Variants in ROBO1 observed in about 807,000 individuals in gnomAD.
The protein encoded by ROBO1 is roundabout guidance receptor 1.
In ROBO1, 149 loss-of-function variants were observed where a neutral mutation model predicts 195.9. The ratio of observed to expected loss-of-function variants is 0.76; its 90% CI spans 0.67 to 0.87. The LOEUF (loss-of-function observed/expected upper bound fraction) is 0.87, where lower values mean the gene tolerates loss of function less well. ROBO1 is among the 40% of genes least tolerant of loss of function. ROBO1 has a pLI of 0.00. For synonymous variants in ROBO1, 816 were observed against 733.2 expected (o/e 1.11, Z -1.82); for missense variants, 1,933 against 2,068.3 (o/e 0.93, Z 1.27).
intron 4 of ROBO1, among the ~76,000 whole-genome samples, chr3:78,774,351 C>T (rs1019558293): frequency 6.6e-6 from 1 of 151,728 alleles, no homozygotes; most frequent in Non-Finnish European, 1.5e-5. Flanking sequence ...CGCTCTATCG[C>T]CCAGGCTTGA....
chr3:78,673,405 C>G (rs944524590), intron 10 of ROBO1, among the ~76,000 whole-genome samples: 1 of 145,900 alleles, frequency 6.9e-6, no homozygotes, highest in Admixed American at 7.0e-5. Flanking sequence ...TATATTACAG[C>G]AGGGTTACAC....
At position 78,651,937 on chromosome 3, in the gene ROBO1, G is replaced by A. The variant is rs1706687670; in HGVS notation, c.2615-8C>T. The A allele has an allele frequency of 6.2e-7, 1 of 1,609,352 alleles. No individual in the cohort carries two copies. Among genetic ancestry groups the A allele is most frequent in the Non-Finnish European group, 8.5e-7 (1 of 1,177,466 alleles). On this transcript the variant is annotated splice_polypyrimidine_tract_variant and splice_region_variant and intron_variant, in intron 18 of 30. Transcript: ENST00000464233. ...CAGGGTTTCCATGGGCATCTGAAAAGTCATCTTCCGATTAATTTGGGTTGA... is the reference window on the plus strand; with the variant it reads ...CAGGGTTTCCATGGGCATCTGAAAAATCATCTTCCGATTAATTTGGGTTGA...
intron 1 of ROBO1, among the ~76,000 whole-genome samples, chr3:79,685,472 T>C (rs1947075607): frequency 1.3e-5 from 2 of 152,216 alleles, no homozygotes; most frequent in South Asian, 2.1e-4. Flanking sequence ...TTTGTTCCAA[T>C]GGCTATCACT....
chr3:79,010,846 T>C (rs115234794), intron 3 of ROBO1, among the ~76,000 whole-genome samples: 105 of 152,316 alleles, frequency 6.9e-4, no homozygotes, highest in African/African-American at 2.4e-3. Context: ...CCTATTTGCA[T>C]AGATATCTGA....
At chr3:78,748,744 C>T (rs1036454718) in intron 4 of ROBO1, among the ~76,000 whole-genome samples, 1 of 151,946 alleles carries the variant, frequency 6.6e-6, no homozygotes, top group Non-Finnish European at 1.5e-5. Context: ...GAAAAAAATC[C>T]CCATTTTCTA....
intron 4 of ROBO1, among the ~76,000 whole-genome samples, chr3:78,916,525 C>G (rs1239092038): frequency 4.2e-5 from 6 of 144,110 alleles, no homozygotes; most frequent in African/African-American, 1.6e-4. Context: ...GCACTCCAGC[C>G]TGGACAACAG....
intron 2 of ROBO1, among the ~76,000 whole-genome samples, chr3:79,356,699 A>G (rs189518467): frequency 9.8e-5 from 15 of 152,292 alleles, no homozygotes; most frequent in South Asian, 6.2e-4. Context: ...AGATACCAGT[A>G]TCTGAATTTG....
intron 2 of ROBO1, among the ~76,000 whole-genome samples, chr3:79,353,405 AC>A (rs2035421560): frequency 1.4e-5 from 2 of 147,446 alleles, no homozygotes; most frequent in Admixed American, 6.8e-5. Context: ...AAACAAACAC[AC>A]ACACACACAC....
At chr3:79,418,050 A>G (rs1341085737) in intron 2 of ROBO1, among the ~76,000 whole-genome samples, 2 of 152,132 alleles carry the variant, frequency 1.3e-5, no homozygotes, top group African/African-American at 4.8e-5. Context: ...GTAGAACCTC[A>G]AGCAATATAC....
In ROBO1 at chr3:79,658,022, G is replaced by A. The variant is rs77034243; in HGVS notation, c.-50-68061C>T. ...AGGAAAAAGATATATGGTAATGACA[G>A]TATAGACAAGCAATTGCAGGTAAGA... On this transcript the variant is annotated intron_variant, in intron 1 of 30. Coordinates refer to ENST00000464233, the MANE Select transcript of ROBO1 (RefSeq NM_002941.4). Among the ~76,000 whole-genome samples, 6 of 152,148 alleles carry A rather than the reference G, an allele frequency of 3.9e-5. No homozygotes were observed. The East Asian group carries it at 1.2e-3, about 30-fold the overall frequency.
At position 78,631,190 on chromosome 3, in the gene ROBO1, G is replaced by T. The variant is rs373039151; in HGVS notation, c.3597C>A (p.Ser1199Arg). 6.2e-7 allele frequency: 1 copy of T among 1,612,254 alleles called. No individual in the cohort carries two copies. Among genetic ancestry groups the T allele is most frequent in the African/African-American group, 1.3e-5 (1 of 74,848 alleles). The part of the protein sequence containing the change: ...PPAHPPPHSN[S>R]EEYNISVDES... ...CATCTACAGAAATGTTGTACTCTTCGCTATTGCTGTGTGGAGGAGGATGTG... is the reference window on the plus strand; with the variant it reads ...CATCTACAGAAATGTTGTACTCTTCTCTATTGCTGTGTGGAGGAGGATGTG... Residue 1199 changes from serine to arginine, a missense_variant, in exon 25 of 31, where the codon AGC becomes AGA. Ser to Arg is a moderately radical substitution (Grantham distance 110). This residue lies in a region of ROBO1 where 1,737 missense variants were observed against 1,882.5 expected (regional missense o/e 0.92). Transcript: ENST00000464233.
intron 1 of ROBO1, among the ~76,000 whole-genome samples, chr3:79,730,269 T>C (rs7429869): frequency 0.29 from 43,518 of 152,008 alleles, 7,790 homozygotes; most frequent in East Asian, 0.57. Flanking sequence ...GGAGGGGAGA[T>C]ATGATTTCCT....
At chr3:78,945,856 G>C (rs576641724) in intron 3 of ROBO1, among the ~76,000 whole-genome samples, 6 of 152,120 alleles carry the variant, frequency 3.9e-5, no homozygotes, top group South Asian at 2.1e-4. Flanking sequence ...CAAGGCACGA[G>C]AGCTACGTGA....
chr3:78,971,335 G>A (rs1216028353), intron 3 of ROBO1, among the ~76,000 whole-genome samples: 1 of 152,162 alleles, frequency 6.6e-6, no homozygotes, highest in African/African-American at 2.4e-5. Context: ...GTTGCAGACA[G>A]CCAAGACTGT....
At chr3:79,530,691 C>T (rs1941613309) in intron 2 of ROBO1, among the ~76,000 whole-genome samples, 1 of 151,532 alleles carries the variant, frequency 6.6e-6, no homozygotes, top group Non-Finnish European at 1.5e-5. Context: ...CTACTCTACC[C>T]CACTAAGAGT....
chr3:79,113,791 T>C (rs569977181), intron 3 of ROBO1, among the ~76,000 whole-genome samples: 1 of 152,218 alleles, frequency 6.6e-6, no homozygotes, highest in South Asian at 2.1e-4. Flanking sequence ...TTTTAAAGAC[T>C]TGAAATATAC....
At chr3:79,155,549 C>G (rs1239961305) in intron 2 of ROBO1, among the ~76,000 whole-genome samples, 2 of 151,762 alleles carry the variant, frequency 1.3e-5, no homozygotes. Context: ...TTCCCCATTA[C>G]TAGTAATGCT....
At chr3:79,267,173 A>G (rs1341161312) in intron 2 of ROBO1, among the ~76,000 whole-genome samples, 2 of 151,512 alleles carry the variant, frequency 1.3e-5, no homozygotes, top group Non-Finnish European at 3.0e-5. Flanking sequence ...GAACACTCCC[A>G]TCTTCATTAA....
At chr3:78,925,484 T>C (rs1005074892) in intron 4 of ROBO1, among the ~76,000 whole-genome samples, 3 of 152,176 alleles carry the variant, frequency 2.0e-5, no homozygotes, top group African/African-American at 7.2e-5. Flanking sequence ...GGTATAAAAA[T>C]ATGGATAATT....
Sources: gnomAD v4.1 joint callset for allele counts (sites outside exome capture counted in the v4.1 genomes callset) on GRCh38, gnomAD v4.1.1 for gene constraint, gnomAD v4.1.1 regional missense constraint, MANE v1.5 for transcripts, NCBI Gene and HGNC (gene_info 2026-07-23, HGNC 2026-07-21) for gene names.